Variants in CARF observed in about 807,000 individuals in gnomAD.
CARF encodes calcium responsive transcription factor.
In CARF, 57 loss-of-function variants were observed where a neutral mutation model predicts 82.0. The observed-to-expected ratio is 0.70, with a 90% CI of 0.56 to 0.87. The LOEUF (loss-of-function observed/expected upper bound fraction) is 0.87. Among genes scored for constraint, CARF ranks in the 40% least tolerant of loss-of-function variants. The probability of loss-of-function intolerance (pLI) is 0.00; values close to 1 mark genes in which losing one functional copy is unlikely to be tolerated. For missense variants in CARF, 771 were observed against 855.8 expected, an observed-to-expected ratio of 0.90 and a Z score of 1.24; for synonymous variants, 268 against 290.1, an observed-to-expected ratio of 0.92 and a Z score of 0.77.
intron 9 of CARF, among the ~76,000 whole-genome samples, chr2:202,964,240 A>C (rs2059444494): frequency 6.6e-6 from 1 of 151,988 alleles, no homozygotes; most frequent in African/African-American, 2.4e-5. Context: ...CTTTTACTTC[A>C]TGACTTAGCA....
In CARF at chr2:202,983,607, A is replaced by G. The variant is rs2060351118; in HGVS notation, c.2161A>G (p.Lys721Glu). 5 of 1,592,390 alleles carry G rather than the reference A, an allele frequency of 3.1e-6. No individual in the cohort carries two copies. In the Admixed American group the frequency reaches 8.5e-5, roughly 27 times the overall value. Residue 721 changes from lysine (K) to glutamate (E), a missense_variant, in exon 17 of 17, where the codon AAA becomes GAA. Coordinates refer to ENST00000438828, the MANE Select transcript of CARF (RefSeq NM_024744.17). ...MEAKKTVDYK[K>E]LSAT ...AGCAAAAAAAACTGTGGACTATAAG[A>G]AATTATCTGCTACATAAATTATTGA...
chr2:202,947,778 A>G (rs1574623445), intron 5 of CARF, among the ~76,000 whole-genome samples: 1 of 152,230 alleles, frequency 6.6e-6, no homozygotes, highest in African/African-American at 2.4e-5. Flanking sequence ...TATAGTTTGC[A>G]GATATTTTCT....
chr2:202,928,654 C>T (rs1692303481), intron 3 of CARF, among the ~76,000 whole-genome samples: 1 of 152,120 alleles, frequency 6.6e-6, no homozygotes, highest in African/African-American at 2.4e-5. Context: ...TGATAATAGC[C>T]ATTCTAACCG....
intron 3 of CARF, among the ~76,000 whole-genome samples, chr2:202,929,025 T>C (rs1186442156): frequency 1.3e-5 from 2 of 152,158 alleles, no homozygotes; most frequent in Non-Finnish European, 2.9e-5. Context: ...CCATCACGCC[T>C]GGCCTGTATA....
intron 5 of CARF, among the ~76,000 whole-genome samples, chr2:202,945,552 G>A (rs549944389): frequency 6.6e-6 from 1 of 152,226 alleles, no homozygotes; most frequent in South Asian, 2.1e-4. Flanking sequence ...TTGTAAGTGA[G>A]AACATGCAGT....
At chr2:202,916,074 A>G (rs1250198861) in intron 1 of CARF, among the ~76,000 whole-genome samples, 1 of 152,064 alleles carries the variant, frequency 6.6e-6, no homozygotes, top group Non-Finnish European at 1.5e-5. Context: ...ATTCATAGTA[A>G]TTTTGTACAT....
intron 5 of CARF, among the ~76,000 whole-genome samples, chr2:202,950,982 G>C (rs1251661427): frequency 1.3e-5 from 2 of 152,088 alleles, no homozygotes; most frequent in Non-Finnish European, 1.5e-5. Context: ...CTAGTTTGTT[G>C]AAGTTTTTCC....
chr2:202,977,829 T>C (rs778955914), intron 14 of CARF, among the ~76,000 whole-genome samples: 6 of 152,190 alleles, frequency 3.9e-5, no homozygotes, highest in East Asian at 1.9e-4. Context: ...TCACCCCCTA[T>C]ATAAAGTTAA....
intron 8 of CARF, among the ~76,000 whole-genome samples, 185 bp downstream of exon 8, chr2:202,955,943 TTA>T (rs776954481): frequency 6.6e-6 from 1 of 152,202 alleles, no homozygotes; most frequent in African/African-American, 2.4e-5. Flanking sequence ...AAAGCAGAGG[TTA>T]TATATATCTC....
intron 3 of CARF, among the ~76,000 whole-genome samples, chr2:202,941,226 T>C (rs1057400541): frequency 9.2e-5 from 14 of 152,142 alleles, no homozygotes; most frequent in East Asian, 1.9e-4. Context: ...TTAAAAGATA[T>C]TTTGTAGCCA....
At chr2:202,973,121 T>C (rs1313599545) in intron 12 of CARF, among the ~76,000 whole-genome samples, 1 of 152,194 alleles carries the variant, frequency 6.6e-6, no homozygotes, top group Non-Finnish European at 1.5e-5. Flanking sequence ...GTCCTTTCAC[T>C]TAAGGTCTCA....
rs2058292402 is a variant in CARF, at chr2:202,942,773, T to A, written c.112T>A (p.Phe38Ile). 6.2e-7 allele frequency: 1 copy of A among 1,614,106 alleles called. No homozygotes were observed. The highest frequency in any genetic ancestry group is 2.2e-5 in the East Asian group (1 of 44,878). The change falls in exon 5 of 17, where the codon TTT becomes ATT. Residue 38 changes from phenylalanine to isoleucine, a missense_variant. Physicochemically the swap from Phe to Ile is conservative, Grantham distance 21. Coordinates refer to ENST00000438828, the MANE Select transcript of CARF (RefSeq NM_024744.17). ...CTGTATGGACTCCAGGGATTCTTCC[T>A]TTGGACAAAATGATTCTCCTACAGT... ...LICMDSRDSS[F>I]GQNDSPTVLP... is the part of the protein sequence containing the mutation.
intron 12 of CARF, 140 bp from the exon 13 acceptor site, chr2:202,974,190 TTAAA>T (rs746164510): frequency 3.6e-6 from 2 of 556,794 alleles, no homozygotes; most frequent in Non-Finnish European, 5.9e-6. Context: ...TGGAAAAAGT[TTAAA>T]TAGGAAAATA....
At chr2:202,935,165 T>C (rs1693709947) in intron 3 of CARF, among the ~76,000 whole-genome samples, 1 of 135,772 alleles carries the variant, frequency 7.4e-6, no homozygotes. Flanking sequence ...CTCCTGTATA[T>C]ATTTAAATAT....
chr2:202,970,754 A>G (rs1360291636), intron 11 of CARF, among the ~76,000 whole-genome samples: 2 of 152,178 alleles, frequency 1.3e-5, no homozygotes, highest in Non-Finnish European at 2.9e-5. Context: ...AGCATTGCAT[A>G]TAATTTTTAA....
Position 202,971,744 on chromosome 2 carries a change from A to AT in CARF, c.1331+7dup, listed in dbSNP as rs775060005. 1 of 1,581,266 alleles carries AT rather than the reference A, an allele frequency of 6.3e-7. No individual in the cohort carries two copies. Among genetic ancestry groups the AT allele is most frequent in the Non-Finnish European group, 8.7e-7 (1 of 1,150,830 alleles). ...GCAGTAAGGAAACAGCTAAGGTACA[A>AT]TAGAAGAGCATTGTTCTTTTACATT... On this transcript the variant is annotated splice_region_variant and intron_variant, in intron 12 of 16. Transcript: ENST00000438828.
At chr2:202,925,975 C>A (rs76539244) in intron 3 of CARF, 5,954 of 157,032 alleles carry the variant, frequency 0.038, 378 homozygotes, top group African/African-American at 0.13. Context: ...TCCAATCCAG[C>A]TTAGACTCTG....
chr2:202,931,908 A>G (rs1341682632), intron 3 of CARF, among the ~76,000 whole-genome samples: 2 of 152,210 alleles, frequency 1.3e-5, no homozygotes, highest in East Asian at 3.8e-4. Context: ...CTGTTCTTGC[A>G]GTGACATAAA....
intron 10 of CARF, among the ~76,000 whole-genome samples, chr2:202,969,250 G>T (rs553502425): frequency 2.0e-4 from 31 of 152,238 alleles, no homozygotes; most frequent in Middle Eastern, 3.4e-3. Context: ...AGTAATGAAA[G>T]ATTGGAGGCA....
Sources: gnomAD v4.1 joint callset for allele counts (sites outside exome capture counted in the v4.1 genomes callset) on GRCh38, gnomAD v4.1.1 for gene constraint, MANE v1.5 for transcripts, NCBI Gene and HGNC (gene_info 2026-07-23, HGNC 2026-07-21) for gene names.